SLC15A5: variants seen among roughly 807,000 people sequenced by gnomAD.
SLC15A5 encodes the protein Peptide/histidine transporter ENSP00000340402.
In SLC15A5, 58 loss-of-function variants were observed where a neutral mutation model predicts 56.1. The observed-to-expected ratio is 1.03, with a 90% CI of 0.84 to 1.29. SLC15A5 has a LOEUF of 1.29. Among genes scored for constraint, SLC15A5 ranks in the 50% most tolerant of loss-of-function variants. The pLI is 0.00. For synonymous variants in SLC15A5, 264 were observed against 250.5 expected (o/e 1.05, Z -0.51); for missense variants, 681 against 672.1 (o/e 1.01, Z -0.15).
rs767510283 is a variant in SLC15A5 at position 16,269,319 on chromosome 12, C to T, written c.584+3242G>A. On this transcript the variant is annotated intron_variant, in intron 2 of 8. Transcript: ENST00000344941. The surrounding 1 kb of genome is among the most constrained non-coding windows in gnomAD (Gnocchi z 4.7). ...GTGATAATTAAAATGAGCAACACTG[C>T]GTTGGAACAGTGGTTCTCAACTCTA... Among the ~76,000 whole-genome samples, 11 of 152,118 alleles carry T rather than the reference C, an allele frequency of 7.2e-5. No homozygotes were observed. Among genetic ancestry groups the T allele is most frequent in the East Asian group, 1.9e-4 (1 of 5,194 alleles).
intron 2 of SLC15A5, among the ~76,000 whole-genome samples, chr12:16,258,267 G>A (rs1057434535): frequency 6.6e-6 from 1 of 152,120 alleles, no homozygotes; most frequent in African/African-American, 2.4e-5. Flanking sequence ...AAACTGGAAG[G>A]ATTAAAAAGT....
intron 6 of SLC15A5, among the ~76,000 whole-genome samples, chr12:16,224,075 AG>A (rs1864214812): frequency 6.6e-6 from 1 of 152,106 alleles, no homozygotes; most frequent in Admixed American, 6.6e-5. Context: ...AGAAGAGAAG[AG>A]GCTTTACATC....
chr12:16,195,980 G>A (rs766627113), intron 7 of SLC15A5, among the ~76,000 whole-genome samples: 5 of 151,798 alleles, frequency 3.3e-5, no homozygotes, highest in African/African-American at 1.2e-4. Context: ...TAAATAAAAC[G>A]GTAAAGTGCA....
chr12:16,204,564 A>C (rs1863995676), intron 7 of SLC15A5, among the ~76,000 whole-genome samples: 1 of 151,940 alleles, frequency 6.6e-6, no homozygotes, highest in Non-Finnish European at 1.5e-5. Flanking sequence ...ACTGATATAA[A>C]CTATATATCA....
At chr12:16,194,493 T>C (rs1397789077) in intron 7 of SLC15A5, 40 bp from the exon 8 acceptor site, 13 of 1,298,438 alleles carry the variant, frequency 1.0e-5, no homozygotes, top group Non-Finnish European at 1.4e-5. Flanking sequence ...ACTGCAGAGT[T>C]GTAAGTTTCT....
intron 2 of SLC15A5, among the ~76,000 whole-genome samples, chr12:16,259,018 TCTTTC>T (rs1864610569): frequency 1.8e-5 from 2 of 112,832 alleles, no homozygotes; most frequent in Non-Finnish European, 1.7e-5. Flanking sequence ...TTCTTTTCTT[TCTTTC>T]CTTTTTTTTT....
chr12:16,239,630 GTTTTAAAAA>G, intron 5 of SLC15A5, 42 bp downstream of exon 5: 1 of 1,495,988 alleles, frequency 6.7e-7, no homozygotes, highest in East Asian at 2.5e-5. Flanking sequence ...GCAGAATGTT[GTTTTAAAAA>G]AGTTTCAAAC....
chr12:16,194,307 G>T, intron 8 of SLC15A5, 38 bp downstream of exon 8: 2 of 1,349,096 alleles, frequency 1.5e-6, no homozygotes, highest in Non-Finnish European at 2.0e-6. Context: ...ATATTTCATG[G>T]ACTCAGAAAT....
chr12:16,238,644 A>AT (rs1394439262), intron 5 of SLC15A5, among the ~76,000 whole-genome samples: 1 of 151,478 alleles, frequency 6.6e-6, no homozygotes, highest in African/African-American at 2.4e-5. Context: ...AAAAAAAAAA[A>AT]AAATAAGAAC....
chr12:16,259,901 C>T (rs2417552), intron 2 of SLC15A5, among the ~76,000 whole-genome samples: 15 of 148,804 alleles, frequency 1.0e-4, no homozygotes, highest in South Asian at 6.3e-4. Flanking sequence ...ACCACCCGGG[C>T]GGGGGGTAAG....
intron 3 of SLC15A5, among the ~76,000 whole-genome samples, chr12:16,255,756 A>T (rs536479548): frequency 6.6e-5 from 10 of 152,124 alleles, no homozygotes; most frequent in African/African-American, 2.2e-4. Flanking sequence ...CGATGAATAT[A>T]CAATTATAAA....
Position 16,271,545 on chromosome 12 carries a change from T to C in SLC15A5, c.584+1016A>G, listed in dbSNP as rs770657577. On this transcript the variant is annotated intron_variant, in intron 2 of 8. Coordinates refer to ENST00000344941, the MANE Select transcript of SLC15A5 (RefSeq NM_001170798.1). The surrounding 1 kb of genome is among the most constrained non-coding windows in gnomAD (Gnocchi z 8.0). Reference sequence around the variant, plus strand: ...CAAAATAGGGCTGAGTGCTTTGTAATATTAATATAATTGGAGAAAGAAAAA... The same window carrying C: ...CAAAATAGGGCTGAGTGCTTTGTAACATTAATATAATTGGAGAAAGAAAAA... Among the ~76,000 whole-genome samples, 1 of 151,162 alleles carries C rather than the reference T, an allele frequency of 6.6e-6. No individual in the cohort carries two copies. Among genetic ancestry groups the C allele is most frequent in the Non-Finnish European group, 1.5e-5 (1 of 67,908 alleles).
intron 3 of SLC15A5, among the ~76,000 whole-genome samples, chr12:16,256,927 T>C (rs1266117450): frequency 2.7e-5 from 4 of 149,620 alleles, no homozygotes; most frequent in Non-Finnish European, 1.5e-5. Context: ...GATAGATAGA[T>C]AGATAGATAG....
intron 6 of SLC15A5, among the ~76,000 whole-genome samples, chr12:16,218,034 A>G (rs1343545368): frequency 6.6e-6 from 1 of 152,198 alleles, no homozygotes; most frequent in Admixed American, 6.5e-5. Context: ...TCTTAGCGAT[A>G]TGTGTTAAAA....
At chr12:16,197,063 C>A (rs1430195980) in intron 7 of SLC15A5, among the ~76,000 whole-genome samples, 1 of 150,476 alleles carries the variant, frequency 6.6e-6, no homozygotes, top group Non-Finnish European at 1.5e-5. Context: ...ATGGACAAAA[C>A]ATTTTGTGAG....
At chr12:16,207,961 C>T (rs920051992) in intron 7 of SLC15A5, among the ~76,000 whole-genome samples, 4 of 151,988 alleles carry the variant, frequency 2.6e-5, no homozygotes, top group Non-Finnish European at 4.4e-5. Flanking sequence ...CCAGAACCAG[C>T]GATCTTAACA....
intron 2 of SLC15A5, among the ~76,000 whole-genome samples, chr12:16,258,594 C>T (rs1864602192): frequency 6.6e-6 from 1 of 152,110 alleles, no homozygotes; most frequent in Non-Finnish European, 1.5e-5. Flanking sequence ...AAAATTTACT[C>T]ATTTACATAT....
chr12:16,202,240 G>C (rs1314752658), intron 7 of SLC15A5, among the ~76,000 whole-genome samples: 1 of 152,072 alleles, frequency 6.6e-6, no homozygotes, highest in East Asian at 1.9e-4. Context: ...AGGAATTCAA[G>C]ATACTCAGTA....
intron 6 of SLC15A5, among the ~76,000 whole-genome samples, chr12:16,220,351 T>C (rs1864174007): frequency 6.6e-6 from 1 of 152,216 alleles, no homozygotes; most frequent in Non-Finnish European, 1.5e-5. Context: ...TACTTCTGCC[T>C]TAATACTTGG....
Sources: gnomAD v4.1 joint callset for allele counts (sites outside exome capture counted in the v4.1 genomes callset) on GRCh38, gnomAD v4.1.1 for gene constraint, Gnocchi (gnomAD v3.1) non-coding constraint, MANE v1.5 for transcripts, NCBI Gene and HGNC (gene_info 2026-07-23, HGNC 2026-07-21) for gene names.